The following FANCA variants were observed in gnomAD, a reference collection of about 807,000 sequenced individuals.
FANCA encodes FA complementation group A, also known as Fanconi anemia group A protein.
A neutral mutation model predicts 194.3 loss-of-function variants in FANCA; 236 were observed. The observed-to-expected ratio is 1.21, with a 90% confidence interval of 1.09 to 1.35. The LOEUF is 1.35. Ranked by LOEUF, FANCA falls within the 40% of genes most tolerant of loss-of-function variation. The pLI is 0.00. For missense variants in FANCA, 2,628 were observed against 1,813.9 expected (o/e 1.45, Z -8.15); for synonymous variants, 1,014 against 715.8 (o/e 1.42, Z -6.65).
chr16:89,792,678 A>C (rs2040117216), intron 11 of FANCA, 131 bp from the exon 12 acceptor site: 1 of 740,356 alleles, frequency 1.4e-6, no homozygotes, highest in Non-Finnish European at 2.4e-6. Context: ...AGAAAGAAAG[A>C]TACAAGACAA....
chr16:89,799,698 G>A (rs1191337599), intron 8 of FANCA, 60 bp from the exon 9 acceptor site: 12 of 1,344,442 alleles, frequency 8.9e-6, no homozygotes, highest in Non-Finnish European at 1.3e-5. Flanking sequence ...TGTGATACCT[G>A]CATCACACAA....
At chr16:89,796,079 A>C in intron 10 of FANCA, 61 bp from the exon 11 acceptor site, 1 of 1,264,880 alleles carries the variant, frequency 7.9e-7, no homozygotes, top group South Asian at 1.2e-5. Flanking sequence ...CCACCCACCA[A>C]TCCCAGCACA....
intron 17 of FANCA, among the ~76,000 whole-genome samples, chr16:89,780,753 A>G (rs2039672645): frequency 6.6e-6 from 1 of 151,840 alleles, no homozygotes. Context: ...ACACAGGGAG[A>G]CCCTATGTCT....
chr16:89,770,656 GAGC>G, intron 23 of FANCA, 22 bp from the exon 24 acceptor site: 1 of 1,589,658 alleles, frequency 6.3e-7, no homozygotes, highest in Middle Eastern at 1.7e-4. Context: ...CAGTTCTCAT[GAGC>G]GTGGTGTCCT....
chr16:89,747,022 G>T, intron 33 of FANCA, 132 bp from the exon 34 acceptor site: 1 of 870,752 alleles, frequency 1.1e-6, no homozygotes, highest in Non-Finnish European at 1.8e-6. Context: ...CATGGATGGT[G>T]CTCCTGGGCT....
rs2039296480 is a variant in FANCA at position 89,770,756 on chromosome 16, G to T, written c.2152-122C>A. 6 of 860,854 alleles carry T rather than the reference G, an allele frequency of 7.0e-6. No individual in the cohort carries two copies. The Admixed American group carries it at 1.0e-4, about 15-fold the overall frequency. 53.3% of individuals were successfully genotyped at this position (860,854 alleles called of 1,614,324 possible). ...CTTTGCAAAAAGACCTCCAAAACAG[G>T]CTTGTTTGGAGGGCATGTTACAATG... On this transcript the variant is annotated intron_variant, in intron 23 of 42. Transcript: ENST00000389301.
In FANCA at chr16:89,746,904, C is replaced by T. The variant is rs1248372954; in HGVS notation, c.3349-14G>A. On this transcript the variant is annotated splice_polypyrimidine_tract_variant and intron_variant, in intron 33 of 42. Coordinates refer to ENST00000389301, the MANE Select transcript of FANCA (RefSeq NM_000135.4). ...GCAGAAGTTTCTCTGCAAAAGAGTTCAAGGCAGGTAAGAAAAGCCCACAGG... is the reference window on the plus strand; with the variant it reads ...GCAGAAGTTTCTCTGCAAAAGAGTTTAAGGCAGGTAAGAAAAGCCCACAGG... 1.3e-6 allele frequency: 2 copies of T among 1,552,798 alleles called. No individual in the cohort carries two copies. Among genetic ancestry groups the T allele is most frequent in the East Asian group, 2.4e-5 (1 of 41,066 alleles).
chr16:89,800,585 C>G (rs1004041819), intron 8 of FANCA, among the ~76,000 whole-genome samples: 3 of 152,134 alleles, frequency 2.0e-5, no homozygotes, highest in Non-Finnish European at 2.9e-5. Context: ...AAATAGAACA[C>G]AGATAAGCAA....
intron 28 of FANCA, 63 bp downstream of exon 28, chr16:89,764,827 G>C (rs982920788): frequency 1.3e-6 from 2 of 1,572,592 alleles, no homozygotes; most frequent in African/African-American, 2.7e-5. Flanking sequence ...TCTTGCCCGA[G>C]GAGCACACAC....
Position 89,764,871 on chromosome 16 carries a change from A to G in FANCA, c.2778+19T>C, listed in dbSNP as rs755393153. The G allele has an allele frequency of 6.2e-7, 1 of 1,611,042 alleles. No individual in the cohort carries two copies. Among genetic ancestry groups the G allele is most frequent in the Non-Finnish European group, 8.5e-7 (1 of 1,178,026 alleles). ...GACTCAGGACGTGGCATGATGCAGG[A>G]GAAGGAACGGTCACCTACGTGAACA... On this transcript the variant is annotated intron_variant, in intron 28 of 42. Transcript: ENST00000389301.
intron 5 of FANCA, 143 bp downstream of exon 5, chr16:89,810,564 T>G: frequency 2.8e-6 from 2 of 712,512 alleles, no homozygotes; most frequent in South Asian, 3.0e-5. Flanking sequence ...AGATGATTTC[T>G]AAACCCTTTT....
chr16:89,803,620 T>C (rs1025331097), intron 7 of FANCA, among the ~76,000 whole-genome samples: 4 of 137,604 alleles, frequency 2.9e-5, no homozygotes, highest in African/African-American at 1.2e-4. Flanking sequence ...AGTCAGATTT[T>C]TTTCTTTTTT....
rs746429608 is a variant in FANCA, at chr16:89,816,547, G to A, written c.69C>T (p.Ala23=). 8.7e-6 allele frequency: 13 copies of A among 1,499,724 alleles called. No homozygotes were observed. Among genetic ancestry groups the A allele is most frequent in the Middle Eastern group, 2.1e-4 (1 of 4,772 alleles). The allele number at this position is 1,499,724 out of a possible 1,614,324, so 92.9% of individuals were successfully genotyped here. A position where few individuals can be genotyped will look rare whatever the true frequency, so the allele number is the denominator to read the frequency against. The part of the protein sequence containing the change: ...QDPGGRRRAW[A]ELLAGRVKRE... ...GCCGCGCCCACCTACCCAGCAGCTC[G>A]GCCCAGGCCCTCCGGCGGCCCCCTG... The change falls in exon 1 of 43, where the codon GCC becomes GCT. Residue 23 remains alanine (A), a synonymous_variant. Coordinates refer to ENST00000389301, the MANE Select transcript of FANCA (RefSeq NM_000135.4).
rs551768072 is a variant in FANCA at position 89,792,974 on chromosome 16, T to C, written c.1007-427A>G. 2.6e-5 allele frequency among the ~76,000 whole-genome samples: 4 copies of C among 152,268 alleles called. No individual in the cohort carries two copies. The East Asian group carries it at 5.8e-4, about 22-fold the overall frequency. Reference sequence around the variant, plus strand: ...AGAGACTTTTAGTACTTTCACTAATTTACTACTGCTATCTAGAAGGCAGAG... The same window carrying C: ...AGAGACTTTTAGTACTTTCACTAATCTACTACTGCTATCTAGAAGGCAGAG... On this transcript the variant is annotated intron_variant, in intron 11 of 42. Coordinates refer to ENST00000389301, the MANE Select transcript of FANCA (RefSeq NM_000135.4).
Position 89,771,831 on chromosome 16 carries a change from T to G in FANCA, c.2015-17A>C. ...CCGATATAACTGCGAAGGAAGAAAC[T>G]AGTTAGGGATGACAAGAACCCCGAA... On this transcript the variant is annotated splice_polypyrimidine_tract_variant and intron_variant, in intron 22 of 42. Transcript: ENST00000389301. 1 of 1,613,160 alleles carries G rather than the reference T, an allele frequency of 6.2e-7. No individual in the cohort carries two copies. The highest frequency in any genetic ancestry group is 8.5e-7 in the Non-Finnish European group (1 of 1,180,000).
chr16:89,812,664 A>AAAC (rs2040939657), intron 3 of FANCA, among the ~76,000 whole-genome samples: 6 of 148,288 alleles, frequency 4.0e-5, no homozygotes, highest in African/African-American at 1.2e-4. Flanking sequence ...AAAAAAAAAA[A>AAAC]AAAAAACTGT....
chr16:89,773,256 C>G lies in FANCA; in HGVS notation c.2014+15G>C, dbSNP rs1567620958. ...GCACACATGAGACACAGCATGAGCT[C>G]CCATCCATCCTCACCATCACGCTGG... On this transcript the variant is annotated intron_variant, in intron 22 of 42. Coordinates refer to ENST00000389301, the MANE Select transcript of FANCA (RefSeq NM_000135.4). 6.5e-7 allele frequency: 1 copy of G among 1,537,996 alleles called. No individual in the cohort carries two copies. Among genetic ancestry groups the G allele is most frequent in the African/African-American group, 1.4e-5 (1 of 72,838 alleles).
At chr16:89,769,368 A>T (rs17226645) in intron 26 of FANCA, among the ~76,000 whole-genome samples, 243 of 152,246 alleles carry the variant, frequency 1.6e-3, no homozygotes, top group African/African-American at 5.6e-3. Context: ...CACTGAGCAG[A>T]CCATTCTTAA....
chr16:89,816,622 G>A lies in FANCA; in HGVS notation c.-7C>T, dbSNP rs1177916357. On this transcript the variant is annotated 5_prime_UTR_variant, in exon 1 of 43. Transcript: ENST00000389301. ...GGACCCACGAGTCGGACATGGCCTT[G>A]GCGCCTACAGCCCCGGCGGCGGCTC... 3 of 1,521,902 alleles carry A rather than the reference G, an allele frequency of 2.0e-6. No homozygotes were observed. The highest frequency in any genetic ancestry group is 1.2e-5 in the South Asian group (1 of 82,610). The allele number at this position is 1,521,902 out of a possible 1,614,324, so 94.3% of individuals were successfully genotyped here.
Sources: allele counts gnomAD v4.1 joint callset (sites outside exome capture counted in the v4.1 genomes callset), GRCh38; gene constraint gnomAD v4.1.1; transcripts MANE v1.5; gene names NCBI Gene and HGNC (gene_info 2026-07-23, HGNC 2026-07-21).